The following WLS variants were observed in gnomAD, a reference collection of about 807,000 sequenced individuals.
WLS encodes the protein protein wntless homolog.
A neutral mutation model predicts 62.8 loss-of-function variants in WLS; 23 were observed. That is an observed-to-expected ratio of 0.37 (90% confidence interval 0.26 to 0.52). WLS has a LOEUF of 0.52. Among genes scored for constraint, WLS ranks in the 20% least tolerant of loss-of-function variants. The pLI is 0.92. For synonymous variants in WLS, 246 were observed against 244.1 expected (o/e 1.01, Z -0.07); for missense variants, 615 against 697.3 (o/e 0.88, Z 1.33).
At chr1:68,206,137 GGCA>G (rs1197273904) in intron 1 of WLS, among the ~76,000 whole-genome samples, 3 of 152,176 alleles carry the variant, frequency 2.0e-5, no homozygotes, top group Admixed American at 6.5e-5. Flanking sequence ...TTCTTGCATA[GGCA>G]GCAGATGAGT....
chr1:68,230,588 C>CGCGCGCGTGTGT (rs1553139180), intron 1 of WLS, among the ~76,000 whole-genome samples: 2 of 149,156 alleles, frequency 1.3e-5, no homozygotes, highest in African/African-American at 4.9e-5. Context: ...TGTGTGCGCG[C>CGCGCGCGTGTGT]GTGTGTGTGT....
intron 2 of WLS, among the ~76,000 whole-genome samples, chr1:68,177,887 AC>A (rs2100558451): frequency 6.6e-6 from 1 of 152,356 alleles, no homozygotes; most frequent in East Asian, 1.9e-4. Context: ...CCTTACAACA[AC>A]CCTATAAAGG....
chr1:68,145,983 G>A lies in WLS; in HGVS notation c.1164C>T (p.Cys388=), dbSNP rs1242885724. ...AMAFIIVAGI[C]LCLYFLFLCF... ...ATAGAAACAGGAAGTAGAGGCAGAG[G>A]CAGATTCCAGCCACGATGATGAAGG... Residue 388 remains cysteine (C), a synonymous_variant, in exon 9 of 12, where the codon TGC becomes TGT. Transcript: ENST00000262348. The A allele has an allele frequency of 1.9e-6, 3 of 1,614,134 alleles. No homozygotes were observed. Among genetic ancestry groups the A allele is most frequent in the African/African-American group, 1.3e-5 (1 of 75,044 alleles).
chr1:68,110,007 T>TAAAAAAAAAAAA (rs11290966), intron 11 of WLS, among the ~76,000 whole-genome samples: 1 of 28,446 alleles, frequency 3.5e-5, no homozygotes, highest in Non-Finnish European at 6.3e-5. Context: ...ACACAAAAAG[T>TAAAAAAAAAAAA]AAAAAAAAAA....
downstream of WLS, among the ~76,000 whole-genome samples, chr1:68,124,988 A>G (rs1646408192): frequency 1.3e-5 from 2 of 152,220 alleles, no homozygotes. Flanking sequence ...TAAGTGAGGA[A>G]ATAGCCAGGT....
intron 1 of WLS, among the ~76,000 whole-genome samples, chr1:68,225,659 C>T (rs1014597226): frequency 2.5e-4 from 38 of 152,164 alleles, no homozygotes; most frequent in African/African-American, 7.5e-4. Context: ...AAAAGGCCCT[C>T]GTTATTATGC....
At chr1:68,135,523 G>C (rs532259272) in intron 11 of WLS, among the ~76,000 whole-genome samples, 1 of 152,030 alleles carries the variant, frequency 6.6e-6, no homozygotes, top group Non-Finnish European at 1.5e-5. Context: ...TGCACAGAGG[G>C]TTAAGTGTTT....
chr1:68,126,172 TAGTTAGAGGGGCTGGGGTATGGAG>T lies in WLS; in HGVS notation c.*30_*53del. On this transcript the variant is annotated 3_prime_UTR_variant, in exon 12 of 12. Transcript: ENST00000262348. ...GCTCTCTCTGGCATGCTCCCCACTC[TAGTTAGAGGGGCTGGGGTATGGAG>T]AGACCGTCCCAGCCGGGCGCTGCAG... is the stretch of plus-strand genomic sequence containing the variant. 6.2e-7 allele frequency: 1 copy of T among 1,605,774 alleles called. No homozygotes were observed. The highest frequency in any genetic ancestry group is 8.5e-7 in the Non-Finnish European group (1 of 1,175,956).
downstream of WLS, among the ~76,000 whole-genome samples, chr1:68,120,542 G>GT (rs1422841575): frequency 1.3e-5 from 2 of 152,222 alleles, no homozygotes; most frequent in South Asian, 2.1e-4. Flanking sequence ...CTCTGGCACT[G>GT]TAATAGGTGA....
intron 11 of WLS, among the ~76,000 whole-genome samples, chr1:68,109,940 A>C (rs1646198906): frequency 6.6e-6 from 1 of 150,694 alleles, no homozygotes; most frequent in African/African-American, 2.4e-5. Flanking sequence ...AAGAAAACCA[A>C]ATCCTAAACT....
intron 1 of WLS, among the ~76,000 whole-genome samples, chr1:68,203,654 T>C (rs1472903335): frequency 2.0e-5 from 3 of 152,218 alleles, no homozygotes; most frequent in Non-Finnish European, 4.4e-5. Flanking sequence ...TAGGCAGTGT[T>C]TAGGATGTTA....
intron 11 of WLS, among the ~76,000 whole-genome samples, chr1:68,106,820 A>T (rs1398273107): frequency 1.3e-5 from 2 of 152,018 alleles, no homozygotes; most frequent in Admixed American, 6.6e-5. Flanking sequence ...AGAGATGCTT[A>T]ATGTCCTGCA....
intron 1 of WLS, among the ~76,000 whole-genome samples, chr1:68,221,875 G>T (rs1649955725): frequency 6.6e-6 from 1 of 152,134 alleles, no homozygotes; most frequent in Non-Finnish European, 1.5e-5. Context: ...AAATACACTT[G>T]TTAGTCACAA....
chr1:68,231,695 T>C (rs568761810), intron 1 of WLS: 18 of 457,148 alleles, frequency 3.9e-5, no homozygotes, highest in South Asian at 2.6e-4. Flanking sequence ...ACCAAATGCA[T>C]TTACAACCGT....
At chr1:68,192,584 A>AC (rs1648374620) in intron 2 of WLS, among the ~76,000 whole-genome samples, 1 of 138,772 alleles carries the variant, frequency 7.2e-6, no homozygotes, top group African/African-American at 2.6e-5. Context: ...CACACACACA[A>AC]AAAAAAAAGA....
At chr1:68,155,693 G>A (rs1437971155) in intron 3 of WLS, among the ~76,000 whole-genome samples, 1 of 152,108 alleles carries the variant, frequency 6.6e-6, no homozygotes, top group Admixed American at 6.6e-5. Context: ...GGAAGCTCTT[G>A]CTGAATCATT....
At chr1:68,203,615 G>A (rs139470186) in intron 1 of WLS, among the ~76,000 whole-genome samples, 30 of 152,260 alleles carry the variant, frequency 2.0e-4, no homozygotes, top group African/African-American at 5.5e-4. Context: ...AGTTTTTACC[G>A]GGTCTTGGTT....
In WLS at chr1:68,118,875, C is replaced by CAAAAAAAAAAAAAA. The variant is rs33982774; in HGVS notation, c.1510+18891_1510+18904dup. Among the ~76,000 whole-genome samples the CAAAAAAAAAAAAAA allele has an allele frequency of 5.0e-3, 131 of 26,386 alleles. 27 individuals are homozygous for CAAAAAAAAAAAAAA. Among genetic ancestry groups the CAAAAAAAAAAAAAA allele is most frequent in the South Asian group, 0.013 (5 of 372 alleles). The allele number at this position is 26,386 out of a possible 152,430, so 17.3% of individuals were successfully genotyped here. On this transcript the variant is annotated intron_variant, in intron 11 of 11. Transcript: ENST00000354777. ...CTGGGTGACGAGCAAGACTCTGTCT[C>CAAAAAAAAAAAAAA]AAAAAAAAAAAAAAAAAAAAAAAAA...
rs79857093 is a variant in WLS at position 68,118,562 on chromosome 1, C to A, written c.1510+19218G>T. Among the ~76,000 whole-genome samples the A allele has an allele frequency of 6.8e-4, 103 of 152,254 alleles. No homozygotes were observed. The East Asian group carries it at 0.019, about 28-fold the overall frequency. ...AATGATAGGGATATTGTTTACTGAT[C>A]TGCCCCAAATGCTTACAATAGCACC... is the stretch of plus-strand genomic sequence containing the variant. On this transcript the variant is annotated intron_variant, in intron 11 of 11. Transcript: ENST00000354777.
Sources: gnomAD v4.1 joint callset for allele counts (sites outside exome capture counted in the v4.1 genomes callset) on GRCh38, gnomAD v4.1.1 for gene constraint, MANE v1.5 for transcripts, NCBI Gene and HGNC (gene_info 2026-07-23, HGNC 2026-07-21) for gene names.